EXOC6B: variants seen among roughly 807,000 people sequenced by gnomAD.
EXOC6B encodes the protein SEC15 homolog B.
Under a neutral mutation model 113.5 loss-of-function variants are expected in EXOC6B, and 54 were observed. The ratio of observed to expected loss-of-function variants is 0.48; its 90% confidence interval spans 0.38 to 0.60. EXOC6B has a LOEUF of 0.60. EXOC6B is among the 20% of genes least tolerant of loss of function. The probability of loss-of-function intolerance (pLI) is 0.00; values close to 1 mark genes in which losing one functional copy is unlikely to be tolerated. For missense variants in EXOC6B, 797 were observed against 977.5 expected (o/e 0.82, Z 2.46); for synonymous variants, 357 against 339.0 (o/e 1.05, Z -0.58).
At chr2:72,271,055 C>T (rs1684452082) in intron 20 of EXOC6B, among the ~76,000 whole-genome samples, 1 of 152,200 alleles carries the variant, frequency 6.6e-6, no homozygotes, top group South Asian at 2.1e-4. Flanking sequence ...CCAGATCTTT[C>T]TCTCAGTCCA....
chr2:72,512,343 G>GGAAA lies in EXOC6B; in HGVS notation c.1167+788_1167+789insTTTC, dbSNP rs1349730131. Among the ~76,000 whole-genome samples, 31 of 9,324 alleles carry GGAAA rather than the reference G, an allele frequency of 3.3e-3. 2 individuals are homozygous for GGAAA. The highest frequency in any genetic ancestry group is 7.2e-3 in the African/African-American group (30 of 4,180). 6.1% of individuals were successfully genotyped at this position (9,324 alleles called of 152,430 possible). On this transcript the variant is annotated intron_variant, in intron 11 of 21. Coordinates refer to ENST00000272427, the MANE Select transcript of EXOC6B (RefSeq NM_015189.3). ...AGGAAGGAAGGAAGGAAGGAAGGAA[G>GGAAA]GAAGGAAGGAAGGAAGGAAGGAAAG...
intron 16 of EXOC6B, among the ~76,000 whole-genome samples, chr2:72,482,762 A>G (rs1322071051): frequency 1.3e-5 from 2 of 152,202 alleles, no homozygotes; most frequent in Admixed American, 6.5e-5. Context: ...ATGTCAACTC[A>G]TAAAGACAAT....
At chr2:72,512,427 AGAAG>A (rs1460974557) in intron 11 of EXOC6B, among the ~76,000 whole-genome samples, 101 of 122,768 alleles carry the variant, frequency 8.2e-4, no homozygotes, top group Middle Eastern at 4.3e-3. Flanking sequence ...AAGGAAGGAA[AGAAG>A]GAAGGAAGGA....
intron 6 of EXOC6B, among the ~76,000 whole-genome samples, chr2:72,644,496 CA>C (rs1470058679): frequency 2.0e-5 from 3 of 151,996 alleles, no homozygotes; most frequent in Non-Finnish European, 4.4e-5. Context: ...TCAGATTCAC[CA>C]AAGTTGAAAT....
intron 5 of EXOC6B, among the ~76,000 whole-genome samples, chr2:72,719,492 C>A (rs925896801): frequency 1.3e-5 from 2 of 152,158 alleles, no homozygotes; most frequent in Non-Finnish European, 2.9e-5. Flanking sequence ...AGGGTCTAAG[C>A]AATCCACTCA....
At chr2:72,516,060 AGAGAAAATGGC>A (rs1701198402) in intron 8 of EXOC6B, among the ~76,000 whole-genome samples, 1 of 152,150 alleles carries the variant, frequency 6.6e-6, no homozygotes. Context: ...CCAGTCTCAG[AGAGAAAATGGC>A]CCTTATCATG....
Position 72,683,877 on chromosome 2 carries a change from C to T in EXOC6B, c.669+34226G>A, listed in dbSNP as rs569504619. The stretch of plus-strand genomic sequence containing the variant: ...TTTGTGCTTTCTTCACCCATTGCTT[C>T]GCCCATGTCCCAAAACAAGGCAGAT... On this transcript the variant is annotated intron_variant, in intron 6 of 21. Coordinates refer to ENST00000272427, the MANE Select transcript of EXOC6B (RefSeq NM_015189.3). 8.3e-4 allele frequency among the ~76,000 whole-genome samples: 127 copies of T among 152,260 alleles called. 1 individual carries two copies. In the Middle Eastern group the frequency reaches 0.017, roughly 20 times the overall value.
intron 18 of EXOC6B, among the ~76,000 whole-genome samples, chr2:72,449,363 G>A (rs1021780484): frequency 2.6e-5 from 4 of 151,930 alleles, no homozygotes; most frequent in Admixed American, 6.6e-5. Context: ...AGTAGAGACA[G>A]AGTTTCACCA....
intron 20 of EXOC6B, among the ~76,000 whole-genome samples, chr2:72,318,997 AACC>A (rs1342554336): frequency 1.3e-5 from 2 of 152,006 alleles, no homozygotes; most frequent in African/African-American, 4.8e-5. Context: ...AAATTGGTAT[AACC>A]CTTCATTAAG....
chr2:72,688,184 C>T (rs1041552307), intron 6 of EXOC6B, among the ~76,000 whole-genome samples: 4 of 152,144 alleles, frequency 2.6e-5, no homozygotes, highest in African/African-American at 9.7e-5. Flanking sequence ...AATTGCTGAG[C>T]ATGTACAGAA....
intron 1 of EXOC6B, among the ~76,000 whole-genome samples, chr2:72,803,914 C>A (rs1685437728): frequency 6.6e-6 from 1 of 152,134 alleles, no homozygotes; most frequent in African/African-American, 2.4e-5. Context: ...ACAAAGAAAC[C>A]ATACTTAAGA....
At chr2:72,613,314 C>T (rs1307537721) in intron 6 of EXOC6B, among the ~76,000 whole-genome samples, 1 of 151,906 alleles carries the variant, frequency 6.6e-6, no homozygotes, top group African/African-American at 2.4e-5. Context: ...ACTATTTTCA[C>T]TTTTTTTAAG....
chr2:72,366,152 T>G (rs968796308), intron 19 of EXOC6B, among the ~76,000 whole-genome samples: 2 of 152,024 alleles, frequency 1.3e-5, no homozygotes, highest in African/African-American at 2.4e-5. Flanking sequence ...ATGATGGAAC[T>G]GGTAGAACAG....
intron 20 of EXOC6B, among the ~76,000 whole-genome samples, chr2:72,191,067 T>C (rs1678800832): frequency 6.6e-6 from 1 of 152,254 alleles, no homozygotes; most frequent in African/African-American, 2.4e-5. Flanking sequence ...TAGTGGTTGA[T>C]GTAATACTTT....
intron 20 of EXOC6B, among the ~76,000 whole-genome samples, chr2:72,248,453 T>C (rs528620292): frequency 6.6e-6 from 1 of 152,284 alleles, no homozygotes; most frequent in East Asian, 1.9e-4. Context: ...TTTTCACTAT[T>C]TTACCATGAG....
chr2:72,706,993 T>A (rs1678925142), intron 6 of EXOC6B, among the ~76,000 whole-genome samples: 1 of 152,074 alleles, frequency 6.6e-6, no homozygotes, highest in Admixed American at 6.6e-5. Context: ...CTTTAAACCA[T>A]CCCAACAAAG....
intron 18 of EXOC6B, among the ~76,000 whole-genome samples, chr2:72,396,328 A>G (rs752165261): frequency 6.6e-6 from 1 of 152,174 alleles, no homozygotes; most frequent in Non-Finnish European, 1.5e-5. Flanking sequence ...GGAAACCTGA[A>G]AGACTGCCTT....
chr2:72,691,817 G>A (rs1677501818), intron 6 of EXOC6B, among the ~76,000 whole-genome samples: 1 of 151,580 alleles, frequency 6.6e-6, no homozygotes, highest in Non-Finnish European at 1.5e-5. Flanking sequence ...GAGTAGCTGG[G>A]ATTACGGGTG....
At chr2:72,214,752 C>A (rs1473917813) in intron 20 of EXOC6B, among the ~76,000 whole-genome samples, 1 of 152,132 alleles carries the variant, frequency 6.6e-6, no homozygotes, top group Non-Finnish European at 1.5e-5. Flanking sequence ...TTCCCACCTA[C>A]CATAAAAAGA....
Sources: gnomAD v4.1 joint callset for allele counts (sites outside exome capture counted in the v4.1 genomes callset) on GRCh38, gnomAD v4.1.1 for gene constraint, MANE v1.5 for transcripts, NCBI Gene and HGNC (gene_info 2026-07-23, HGNC 2026-07-21) for gene names.